The following TMEM184B variants were observed in gnomAD, a reference collection of about 807,000 sequenced individuals.
TMEM184B encodes the protein transmembrane protein 184B.
Under a neutral mutation model 41.8 loss-of-function variants are expected in TMEM184B, and 17 were observed. The observed-to-expected ratio is 0.41, with a 90% CI of 0.28 to 0.61. The LOEUF is 0.61. Ranked by LOEUF, TMEM184B falls within the 20% of genes least tolerant of loss-of-function variation. The probability of loss-of-function intolerance (pLI) is 0.34; values close to 1 mark genes in which losing one functional copy is unlikely to be tolerated. For missense variants in TMEM184B, 393 were observed against 557.8 expected (o/e 0.70, Z 2.98); for synonymous variants, 240 against 229.5 (o/e 1.05, Z -0.41).
rs373747514 is a variant in TMEM184B, at chr22:38,236,488, G to GT, written c.359-5155dup. On this transcript the variant is annotated intron_variant, in intron 3 of 8. Coordinates refer to ENST00000361906, the MANE Select transcript of TMEM184B (RefSeq NM_012264.5). ...ATATACGAAACCATTTCCTTTTTTT[G>GT]TTTTTTTTTTCTTGATGCAGGATCT... is the stretch of plus-strand genomic sequence containing the variant. 9.3e-3 allele frequency among the ~76,000 whole-genome samples: 1,377 copies of GT among 148,742 alleles called. 8 individuals are homozygous for GT. Among genetic ancestry groups the GT allele is most frequent in the Non-Finnish European group, 0.016 (1,046 of 66,820 alleles).
In TMEM184B at chr22:38,225,738, G is replaced by C; in HGVS notation, c.618-145C>G. ...AGCCACTGAAGGGGTCAGAATGGGT[G>C]ATCAAAGCGACAGACAGGGGTGGGG... On this transcript the variant is annotated intron_variant, in intron 6 of 8. Coordinates refer to ENST00000361906, the MANE Select transcript of TMEM184B (RefSeq NM_012264.5). This position sits in a 1 kb window ranked among gnomAD's most constrained non-coding sequence, Gnocchi z 4.4. The C allele has an allele frequency of 2.2e-6, 2 of 902,666 alleles. No individual in the cohort carries two copies. The highest frequency in any genetic ancestry group is 1.8e-5 in the African/African-American group (1 of 56,456). The allele number at this position is 902,666 out of a possible 1,614,324, so 55.9% of individuals were successfully genotyped here.
At chr22:38,272,339 C>T (rs987847886) in intron 1 of TMEM184B, among the ~76,000 whole-genome samples, 5 of 152,180 alleles carry the variant, frequency 3.3e-5, no homozygotes, top group African/African-American at 9.7e-5. Flanking sequence ...GGGCAAACAT[C>T]TTTCGAGCCC....
At chr22:38,251,210 G>A (rs767615683) in intron 1 of TMEM184B, among the ~76,000 whole-genome samples, 4 of 152,208 alleles carry the variant, frequency 2.6e-5, no homozygotes, top group African/African-American at 4.8e-5. Flanking sequence ...TTTCTGCACC[G>A]AGGCCAATTC....
intron 3 of TMEM184B, 126 bp downstream of exon 3, chr22:38,245,809 G>A (rs1044370639): frequency 3.0e-6 from 3 of 990,494 alleles, no homozygotes; most frequent in Non-Finnish European, 4.4e-6. Context: ...AAACCCTGTA[G>A]TAGGTAAAGC....
At chr22:38,222,868 G>A (rs940275353) in intron 8 of TMEM184B, 1 of 185,644 alleles carries the variant, frequency 5.4e-6, no homozygotes, top group Non-Finnish European at 1.0e-5. Flanking sequence ...GGGCCTGGCA[G>A]GGGGGATATC....
chr22:38,231,109 G>C (rs2091605373), intron 4 of TMEM184B, 135 bp downstream of exon 4: 2 of 801,640 alleles, frequency 2.5e-6, no homozygotes, highest in Admixed American at 3.7e-5. Context: ...GCGTTGCTCA[G>C]GAAATGTGGT....
At chr22:38,238,837 G>A (rs575917809) in intron 3 of TMEM184B, among the ~76,000 whole-genome samples, 2 of 152,168 alleles carry the variant, frequency 1.3e-5, no homozygotes, top group Non-Finnish European at 2.9e-5. Flanking sequence ...TACAAGATCT[G>A]GGTCACTCTG....
At chr22:38,250,290 T>C (rs1293611668) in intron 1 of TMEM184B, among the ~76,000 whole-genome samples, 2 of 152,256 alleles carry the variant, frequency 1.3e-5, no homozygotes, top group Non-Finnish European at 2.9e-5. Context: ...TCCGCCACCA[T>C]GTCGGCTCTT....
chr22:38,248,269 G>A (rs2092084276), intron 1 of TMEM184B, among the ~76,000 whole-genome samples: 1 of 152,102 alleles, frequency 6.6e-6, no homozygotes, highest in African/African-American at 2.4e-5. Context: ...AGCCAGACCA[G>A]GCCGCCACTG....
chr22:38,252,675 GTGGGGACATAACCAGGCTTCTGCTGTGA>G (rs2092193508), intron 1 of TMEM184B, among the ~76,000 whole-genome samples: 2 of 152,170 alleles, frequency 1.3e-5, no homozygotes, highest in South Asian at 4.1e-4. Flanking sequence ...CTTCCATGTG[GTGGGGACATAACCAGGCTTCTGCTGTGA>G]GTCACCCTAC....
At chr22:38,246,199 G>T in intron 2 of TMEM184B, 99 bp from the exon 3 acceptor site, 1 of 1,423,480 alleles carries the variant, frequency 7.0e-7, no homozygotes. Context: ...TCTGTGACCC[G>T]ATGCACGTGA....
Position 38,219,324 on chromosome 22 carries a change from T to C in TMEM184B, c.*2145A>G. The C allele has an allele frequency of 1.0e-6, 1 of 985,798 alleles. No homozygotes were observed. The highest frequency in any genetic ancestry group is 1.2e-6 in the Non-Finnish European group (1 of 829,926). 61.1% of individuals were successfully genotyped at this position (985,798 alleles called of 1,614,324 possible). Reference sequence around the variant, plus strand: ...AATACAATCTATATTATCTCATATATAGATTTCTTCCTCACTTTATTTGCT... The same window carrying C: ...AATACAATCTATATTATCTCATATACAGATTTCTTCCTCACTTTATTTGCT... On this transcript the variant is annotated 3_prime_UTR_variant, in exon 9 of 9. Coordinates refer to ENST00000361906, the MANE Select transcript of TMEM184B (RefSeq NM_012264.5).
intron 1 of TMEM184B, among the ~76,000 whole-genome samples, chr22:38,250,893 C>T (rs898665284): frequency 2.0e-5 from 3 of 152,220 alleles, no homozygotes; most frequent in African/African-American, 4.8e-5. Context: ...GGCCCCTTCA[C>T]GTTCTTCATA....
At chr22:38,232,138 A>T (rs77718756) in intron 3 of TMEM184B, 20,589 of 155,420 alleles carry the variant, frequency 0.13, 1,518 homozygotes, top group South Asian at 0.22. Context: ...ACCTTCATCC[A>T]GTCAACAACC....
intron 3 of TMEM184B, among the ~76,000 whole-genome samples, chr22:38,238,949 T>C (rs888768695): frequency 2.0e-5 from 3 of 152,224 alleles, no homozygotes; most frequent in Non-Finnish European, 4.4e-5. Context: ...CTAACAGTGA[T>C]GAAAAACACG....
chr22:38,245,809 G>T, intron 3 of TMEM184B, 126 bp downstream of exon 3: 2 of 990,610 alleles, frequency 2.0e-6, no homozygotes, highest in Non-Finnish European at 2.9e-6. Context: ...AAACCCTGTA[G>T]TAGGTAAAGC....
Position 38,256,634 on chromosome 22 carries a change from T to C in TMEM184B, c.-58-8615A>G, listed in dbSNP as rs190787580. 2.4e-3 allele frequency among the ~76,000 whole-genome samples: 359 copies of C among 152,324 alleles called. 1 individual carries two copies. Among genetic ancestry groups the C allele is most frequent in the African/African-American group, 8.5e-3 (353 of 41,578 alleles). ...CATTTCATAGAAAAATCTGTTGTTC[T>C]GCTGTCTAAAGCTTTTTATTATGGA... On this transcript the variant is annotated intron_variant, in intron 1 of 8. Transcript: ENST00000361906.
intron 3 of TMEM184B, among the ~76,000 whole-genome samples, chr22:38,237,354 A>T (rs528440531): frequency 6.6e-6 from 1 of 152,358 alleles, no homozygotes; most frequent in East Asian, 1.9e-4. Context: ...AGACACACTC[A>T]TATAACTTGC....
intron 5 of TMEM184B, among the ~76,000 whole-genome samples, chr22:38,228,133 C>T (rs954345643): frequency 5.3e-5 from 8 of 152,164 alleles, no homozygotes; most frequent in South Asian, 2.1e-4. Flanking sequence ...GGCTGCCATA[C>T]GGAGAGGCCC....
Sources: allele counts gnomAD v4.1 joint callset (sites outside exome capture counted in the v4.1 genomes callset), GRCh38; gene constraint gnomAD v4.1.1; non-coding constraint Gnocchi (gnomAD v3.1); transcripts MANE v1.5; gene names NCBI Gene and HGNC (gene_info 2026-07-23, HGNC 2026-07-21).